IQCM: variants seen among roughly 807,000 people sequenced by gnomAD.
The protein encoded by IQCM is IQ domain-containing protein M.
Under a neutral mutation model 57.6 loss-of-function variants are expected in IQCM, and 45 were observed. The ratio of observed to expected loss-of-function variants is 0.78; its 90% CI spans 0.62 to 1.00. The LOEUF is 1.00. Among genes scored for constraint, IQCM ranks in the 50% least tolerant of loss-of-function variants. The pLI is 0.00. For missense variants in IQCM, 468 were observed against 511.6 expected (o/e 0.91, Z 0.82); for synonymous variants, 148 against 158.9 (o/e 0.93, Z 0.51).
intron 7 of IQCM, among the ~76,000 whole-genome samples, chr4:149,655,825 T>A (rs1202549182): frequency 6.6e-6 from 1 of 152,202 alleles, no homozygotes; most frequent in Non-Finnish European, 1.5e-5. Flanking sequence ...ACTGGTATTT[T>A]ATGTACCACA....
intron 7 of IQCM, among the ~76,000 whole-genome samples, chr4:149,631,783 C>A (rs1757287570): frequency 6.6e-6 from 1 of 152,064 alleles, no homozygotes; most frequent in Admixed American, 6.6e-5. Context: ...GAATGTTATT[C>A]TAATTGTTTT....
At chr4:149,593,367 G>C (rs1753409869) in intron 8 of IQCM, among the ~76,000 whole-genome samples, 1 of 152,010 alleles carries the variant, frequency 6.6e-6, no homozygotes, top group African/African-American at 2.4e-5. Flanking sequence ...CTGAGATGAT[G>C]GGGTTTTCTA....
intron 5 of IQCM, among the ~76,000 whole-genome samples, chr4:149,715,121 CCT>C (rs1360049569): frequency 6.6e-6 from 1 of 152,156 alleles, no homozygotes; most frequent in African/African-American, 2.4e-5. Flanking sequence ...CAGCCAGAAA[CCT>C]CTGTGGCTGG....
intron 7 of IQCM, among the ~76,000 whole-genome samples, chr4:149,642,935 C>T (rs1309270324): frequency 6.6e-6 from 1 of 151,960 alleles, no homozygotes; most frequent in Non-Finnish European, 1.5e-5. Context: ...ATAGTACCTG[C>T]CCTAGAGTGG....
rs17026429 is a variant in IQCM at position 149,756,481 on chromosome 4, T to G, written c.-48-13742A>C. On this transcript the variant is annotated intron_variant, in intron 2 of 13. Coordinates refer to ENST00000636793, the MANE Select transcript of IQCM (RefSeq NM_001363507.2). Reference sequence around the variant, plus strand: ...CCAAAATACTAAGTCTAAGAAATCATACAACACACCCAAACATATAGATCC... The same window carrying G: ...CCAAAATACTAAGTCTAAGAAATCAGACAACACACCCAAACATATAGATCC... Among the ~76,000 whole-genome samples, 1,377 of 152,102 alleles carry G rather than the reference T, an allele frequency of 9.1e-3. 11 individuals are homozygous for G. Among genetic ancestry groups the G allele is most frequent in the African/African-American group, 0.031 (1,276 of 41,494 alleles).
chr4:149,510,840 C>T (rs1404487075), intron 12 of IQCM, among the ~76,000 whole-genome samples: 1 of 152,160 alleles, frequency 6.6e-6, no homozygotes, highest in African/African-American at 2.4e-5. Flanking sequence ...CAGGCAGTAC[C>T]TGCTATCCAC....
rs561575028 is a variant in IQCM at position 149,452,482 on chromosome 4, A to G, written c.1229-18925T>C. ...AAGACAATATGATATTCATGTAAAG[A>G]TAAATAAATAGATCAATAGAATTGT... On this transcript the variant is annotated intron_variant, in intron 12 of 13. Transcript: ENST00000636793. Among the ~76,000 whole-genome samples, 28 of 151,744 alleles carry G rather than the reference A, an allele frequency of 1.8e-4. 1 individual carries two copies. The South Asian group carries it at 5.8e-3, about 31-fold the overall frequency.
At chr4:149,715,610 T>C (rs895632661) in intron 5 of IQCM, among the ~76,000 whole-genome samples, 4 of 152,190 alleles carry the variant, frequency 2.6e-5, no homozygotes, top group African/African-American at 9.7e-5. Context: ...CTGTTTGTGT[T>C]ACAGCTCTTT....
intron 9 of IQCM, among the ~76,000 whole-genome samples, chr4:149,582,221 A>G (rs1316867122): frequency 1.3e-5 from 2 of 148,454 alleles, no homozygotes; most frequent in African/African-American, 5.0e-5. Context: ...ATGCTAAACC[A>G]ATACAAAGAA....
chr4:149,445,656 T>C (rs1736425800), intron 12 of IQCM, among the ~76,000 whole-genome samples: 1 of 151,774 alleles, frequency 6.6e-6, no homozygotes, highest in Admixed American at 6.6e-5. Context: ...AAAGGTTTCA[T>C]GACTTCAGCC....
chr4:149,652,606 G>C (rs920526181), intron 7 of IQCM, among the ~76,000 whole-genome samples: 4 of 151,754 alleles, frequency 2.6e-5, no homozygotes, highest in Non-Finnish European at 4.4e-5. Flanking sequence ...AGTACGACTT[G>C]AGCCAACAGT....
intron 2 of IQCM, among the ~76,000 whole-genome samples, chr4:149,810,282 G>A (rs1357116622): frequency 5.3e-5 from 8 of 150,212 alleles, no homozygotes; most frequent in African/African-American, 2.0e-4. Flanking sequence ...GGATTGTTTG[G>A]GCCCAGGATG....
rs138369239 is a variant in IQCM at position 149,718,402 on chromosome 4, A to G, written c.385+14842T>C. Among the ~76,000 whole-genome samples, 384 of 152,338 alleles carry G rather than the reference A, an allele frequency of 2.5e-3. 1 individual carries two copies. Among genetic ancestry groups the G allele is most frequent in the African/African-American group, 7.3e-3 (305 of 41,582 alleles). ...GAGGGCACAGACCATGGTACACAGT[A>G]TCTGGTTCAAGTAGGAGTTTAATAT... is the stretch of plus-strand genomic sequence containing the variant. On this transcript the variant is annotated intron_variant, in intron 5 of 13. Coordinates refer to ENST00000636793, the MANE Select transcript of IQCM (RefSeq NM_001363507.2).
At chr4:149,754,843 T>A (rs892276079) in intron 2 of IQCM, among the ~76,000 whole-genome samples, 1 of 152,324 alleles carries the variant, frequency 6.6e-6, no homozygotes, top group Non-Finnish European at 1.5e-5. Context: ...CAAATAGATA[T>A]TTTTATCCTG....
intron 2 of IQCM, among the ~76,000 whole-genome samples, chr4:149,758,545 C>T (rs1769204300): frequency 6.6e-6 from 1 of 152,100 alleles, no homozygotes; most frequent in Non-Finnish European, 1.5e-5. Flanking sequence ...GAAGACAAGC[C>T]ACAGACTGGG....
At chr4:149,396,092 A>G (rs1732208532) in intron 13 of IQCM, among the ~76,000 whole-genome samples, 3 of 151,896 alleles carry the variant, frequency 2.0e-5, no homozygotes, top group Non-Finnish European at 4.4e-5. Context: ...TAATATTTGC[A>G]TTTTAATTTT....
At chr4:149,590,474 T>C (rs974073133) in intron 8 of IQCM, among the ~76,000 whole-genome samples, 3 of 151,916 alleles carry the variant, frequency 2.0e-5, no homozygotes. Context: ...TATTATACTT[T>C]AAGTTCTGGG....
intron 2 of IQCM, among the ~76,000 whole-genome samples, chr4:149,772,409 C>T (rs1029969308): frequency 6.6e-6 from 1 of 152,068 alleles, no homozygotes; most frequent in African/African-American, 2.4e-5. Context: ...TAAATACATA[C>T]ACGCACCCCC....
intron 12 of IQCM, among the ~76,000 whole-genome samples, chr4:149,520,715 A>T (rs1373914752): frequency 1.3e-5 from 2 of 152,296 alleles, no homozygotes; most frequent in South Asian, 2.1e-4. Flanking sequence ...GCTTCAATGA[A>T]CAAATTCTAG....
Sources: allele counts gnomAD v4.1 joint callset (sites outside exome capture counted in the v4.1 genomes callset), GRCh38; gene constraint gnomAD v4.1.1; transcripts MANE v1.5; gene names NCBI Gene and HGNC (gene_info 2026-07-23, HGNC 2026-07-21).